Variants in OXSR1 observed in about 807,000 individuals in gnomAD.
The protein encoded by OXSR1 is oxidative stress responsive kinase 1.
A neutral mutation model predicts 79.8 loss-of-function variants in OXSR1; 24 were observed. The observed-to-expected ratio is 0.30, with a 90% CI of 0.22 to 0.42. The LOEUF (loss-of-function observed/expected upper bound fraction) is 0.42. Among genes scored for constraint, OXSR1 ranks in the 10% least tolerant of loss-of-function variants. The probability of loss-of-function intolerance (pLI) is 1.00; values close to 1 mark genes in which losing one functional copy is unlikely to be tolerated. For missense variants in OXSR1, 430 were observed against 618.4 expected (o/e 0.70, Z 3.23); for synonymous variants, 226 against 209.2 (o/e 1.08, Z -0.69).
chr3:38,165,699 C>T lies in OXSR1; in HGVS notation c.-178C>T. 1 of 564,250 alleles carries T rather than the reference C, an allele frequency of 1.8e-6. No homozygotes were observed. The highest frequency in any genetic ancestry group is 2.2e-5 in the South Asian group (1 of 45,914). 35.0% of individuals were successfully genotyped at this position (564,250 alleles called of 1,614,324 possible). ...GAGGTCCGCCGGAGCTCTGAGCCCC[C>T]GCTGCTCTGCCGCGCGGTGACCCCG... On this transcript the variant is annotated 5_prime_UTR_variant, in exon 1 of 18. Coordinates refer to ENST00000311806, the MANE Select transcript of OXSR1 (RefSeq NM_005109.3).
At chr3:38,207,764 C>T (rs1458394109) in intron 4 of OXSR1, among the ~76,000 whole-genome samples, 1 of 152,122 alleles carries the variant, frequency 6.6e-6, no homozygotes, top group East Asian at 1.9e-4. Context: ...GAACTTTAGT[C>T]ACATGGTTAT....
At chr3:38,233,272 C>G (rs752068345) in intron 10 of OXSR1, among the ~76,000 whole-genome samples, 4 of 152,178 alleles carry the variant, frequency 2.6e-5, no homozygotes, top group Non-Finnish European at 4.4e-5. Flanking sequence ...GGAACATAAA[C>G]ATTAAGGCTT....
At chr3:38,236,775 A>T in intron 10 of OXSR1, 64 bp from the exon 11 acceptor site, 2 of 1,419,940 alleles carry the variant, frequency 1.4e-6, no homozygotes, top group Non-Finnish European at 9.6e-7. Flanking sequence ...AGAGAGAAAT[A>T]TGGAGTTTTC....
intron 1 of OXSR1, among the ~76,000 whole-genome samples, chr3:38,180,397 A>G (rs908632219): frequency 2.6e-5 from 4 of 152,036 alleles, no homozygotes; most frequent in Non-Finnish European, 5.9e-5. Flanking sequence ...TTGGTATTTC[A>G]TATAACTGGA....
intron 1 of OXSR1, among the ~76,000 whole-genome samples, chr3:38,167,249 A>G (rs1701484954): frequency 6.6e-6 from 1 of 152,226 alleles, no homozygotes; most frequent in Non-Finnish European, 1.5e-5. Flanking sequence ...CAGAGACCAA[A>G]ACTTGCACAT....
At chr3:38,177,071 C>G (rs980771834) in intron 1 of OXSR1, among the ~76,000 whole-genome samples, 2 of 152,148 alleles carry the variant, frequency 1.3e-5, no homozygotes, top group Non-Finnish European at 2.9e-5. Flanking sequence ...AAAAATATTG[C>G]AAAGAATCAG....
intron 1 of OXSR1, among the ~76,000 whole-genome samples, chr3:38,180,425 C>T (rs1278659607): frequency 6.6e-6 from 1 of 151,550 alleles, no homozygotes; most frequent in South Asian, 2.1e-4. Flanking sequence ...TATATACAGA[C>T]TTTTGTGCCT....
At chr3:38,249,906 C>T in intron 14 of OXSR1, 60 bp from the exon 15 acceptor site, 7 of 993,484 alleles carry the variant, frequency 7.0e-6, no homozygotes, top group Non-Finnish European at 1.1e-5. Context: ...TATATGTTGG[C>T]AGAATCTCTT....
chr3:38,168,911 C>T (rs1323552423), intron 1 of OXSR1, among the ~76,000 whole-genome samples: 2 of 152,180 alleles, frequency 1.3e-5, no homozygotes, highest in African/African-American at 2.4e-5. Context: ...CTGTTTGGAA[C>T]AAGGCTGCTT....
intron 10 of OXSR1, among the ~76,000 whole-genome samples, chr3:38,232,298 T>A (rs967314743): frequency 6.6e-6 from 1 of 152,000 alleles, no homozygotes; most frequent in South Asian, 2.1e-4. Context: ...GGCATACACC[T>A]CTGGTCCCGG....
intron 14 of OXSR1, among the ~76,000 whole-genome samples, chr3:38,248,587 T>C (rs1343085458): frequency 6.6e-6 from 1 of 152,198 alleles, no homozygotes; most frequent in African/African-American, 2.4e-5. Context: ...TAGTCATCTT[T>C]CTGTAAGGTC....
intron 3 of OXSR1, among the ~76,000 whole-genome samples, chr3:38,195,462 T>C (rs1261047447): frequency 1.3e-5 from 2 of 152,172 alleles, no homozygotes; most frequent in Non-Finnish European, 2.9e-5. Flanking sequence ...CATCTTTTGG[T>C]CTAAAATGGA....
intron 15 of OXSR1, among the ~76,000 whole-genome samples, chr3:38,250,934 C>T (rs1703243625): frequency 6.6e-6 from 1 of 152,082 alleles, no homozygotes; most frequent in Non-Finnish European, 1.5e-5. Flanking sequence ...TTTTTAGTTT[C>T]TGGTTATACC....
At chr3:38,196,657 A>T (rs1353716820) in intron 3 of OXSR1, among the ~76,000 whole-genome samples, 1 of 152,232 alleles carries the variant, frequency 6.6e-6, no homozygotes, top group Admixed American at 6.5e-5. Context: ...TACAAATCTA[A>T]AAGTTTGAAA....
chr3:38,190,261 TG>T (rs1701957949), intron 2 of OXSR1, among the ~76,000 whole-genome samples: 2 of 152,198 alleles, frequency 1.3e-5, no homozygotes, highest in Non-Finnish European at 2.9e-5. Context: ...GACGTTGTCC[TG>T]TTTCAGTTTG....
chr3:38,215,713 C>A (rs1702469195), intron 4 of OXSR1, among the ~76,000 whole-genome samples: 1 of 152,054 alleles, frequency 6.6e-6, no homozygotes, highest in African/African-American at 2.4e-5. Context: ...CTTTTTGTTA[C>A]AGGCAAAGAA....
At chr3:38,180,525 CTTTTTTTTT>C (rs35081111) in intron 1 of OXSR1, among the ~76,000 whole-genome samples, 1 of 108,970 alleles carries the variant, frequency 9.2e-6, no homozygotes, top group South Asian at 2.9e-4. Flanking sequence ...ATAGCTCCAA[CTTTTTTTTT>C]TTTTTTTTTT....
At chr3:38,208,219 C>T (rs1391537393) in intron 4 of OXSR1, among the ~76,000 whole-genome samples, 1 of 151,790 alleles carries the variant, frequency 6.6e-6, no homozygotes, top group Non-Finnish European at 1.5e-5. Flanking sequence ...CCATTTTTAG[C>T]GATTTGTTAA....
At position 38,253,452 on chromosome 3, in the gene OXSR1, GT is replaced by G. The variant is rs1220907931; in HGVS notation, c.*565del. The G allele has an allele frequency of 1.3e-5, 2 of 153,256 alleles. No homozygotes were observed. The highest frequency in any genetic ancestry group is 4.8e-5 in the African/African-American group (2 of 41,446). 9.5% of individuals were successfully genotyped at this position (153,256 alleles called of 1,614,324 possible). ...TGGAGGCAGCCTAAACTGTGTTCTT[GT>G]TTTGTTCATGGTGTTTCTAAGCGTT... is the stretch of plus-strand genomic sequence containing the variant. On this transcript the variant is annotated 3_prime_UTR_variant, in exon 18 of 18. Coordinates refer to ENST00000311806, the MANE Select transcript of OXSR1 (RefSeq NM_005109.3).
Sources: gnomAD v4.1 joint callset for allele counts (sites outside exome capture counted in the v4.1 genomes callset) on GRCh38, gnomAD v4.1.1 for gene constraint, MANE v1.5 for transcripts, NCBI Gene and HGNC (gene_info 2026-07-23, HGNC 2026-07-21) for gene names.